The following DAO variants were observed in gnomAD, a reference collection of about 807,000 sequenced individuals.
DAO encodes D-amino-acid oxidase.
In DAO, 51 loss-of-function variants were observed where a neutral mutation model predicts 50.1. The ratio of observed to expected loss-of-function variants is 1.02; its 90% CI spans 0.81 to 1.29. The LOEUF (loss-of-function observed/expected upper bound fraction) is 1.29, where lower values mean the gene tolerates loss of function less well. Ranked by LOEUF, DAO falls within the 50% of genes most tolerant of loss-of-function variation. DAO has a pLI of 0.00. For missense variants in DAO, 436 were observed against 439.4 expected, an observed-to-expected ratio of 0.99 and a Z score of 0.07; for synonymous variants, 160 against 166.2, an observed-to-expected ratio of 0.96 and a Z score of 0.29.
chr12:108,889,024 G>A (rs1325123906), intron 3 of DAO, among the ~76,000 whole-genome samples: 1 of 152,124 alleles, frequency 6.6e-6, no homozygotes, highest in Admixed American at 6.5e-5. Context: ...ATGGCTTCTT[G>A]TGAAGATTAA....
intron 8 of DAO, among the ~76,000 whole-genome samples, chr12:108,897,862 G>A (rs1305749201): frequency 1.3e-5 from 2 of 151,776 alleles, no homozygotes; most frequent in Non-Finnish European, 2.9e-5. Flanking sequence ...TGGGAGGATT[G>A]CTTGAACCTG....
At chr12:108,899,946 T>G in intron 10 of DAO, 1 of 301,736 alleles carries the variant, frequency 3.3e-6, no homozygotes, top group Admixed American at 4.8e-5. Flanking sequence ...TTCTAAAGTC[T>G]GTGGTCAAAT....
chr12:108,883,337 G>A (rs1460797462), intron 1 of DAO, among the ~76,000 whole-genome samples: 2 of 152,186 alleles, frequency 1.3e-5, no homozygotes, highest in African/African-American at 2.4e-5. Flanking sequence ...CAGTAGAGAT[G>A]GGGTTTCACC....
intron 8 of DAO, 49 bp downstream of exon 8, chr12:108,897,137 C>T: frequency 7.5e-7 from 1 of 1,330,164 alleles, no homozygotes; most frequent in South Asian, 1.2e-5. Context: ...TTCATGCCCT[C>T]TTCATGACCC....
intron 5 of DAO, among the ~76,000 whole-genome samples, chr12:108,890,745 T>A (rs1042274041): frequency 6.6e-6 from 1 of 152,246 alleles, no homozygotes; most frequent in African/African-American, 2.4e-5. Flanking sequence ...TGCAGTGTTC[T>A]AAATTAGCAA....
At chr12:108,894,995 C>T (rs189797746) in intron 7 of DAO, among the ~76,000 whole-genome samples, 1 of 152,186 alleles carries the variant, frequency 6.6e-6, no homozygotes, top group Non-Finnish European at 1.5e-5. Context: ...GGATTACAGG[C>T]GTGAGCCACC....
chr12:108,881,631 T>C (rs1242866511), intron 1 of DAO, among the ~76,000 whole-genome samples: 13 of 136,856 alleles, frequency 9.5e-5, no homozygotes, highest in African/African-American at 3.1e-4. Flanking sequence ...TTTGACAGAG[T>C]TTCACTCTTG....
chr12:108,889,639 GT>G lies in DAO; in HGVS notation c.386+95del. 3.1e-6 allele frequency: 3 copies of G among 973,628 alleles called. No individual in the cohort carries two copies. The East Asian group carries it at 7.8e-5, about 25-fold the overall frequency. The allele number at this position is 973,628 out of a possible 1,614,324, so 60.3% of individuals were successfully genotyped here. A position where few individuals can be genotyped will look rare whatever the true frequency, so the allele number is the denominator to read the frequency against. ...AGAGGGTAGAGGCACCAGATTTCCT[GT>G]CCTACCCAGGCCCTGGTACCCTGGT... On this transcript the variant is annotated intron_variant, in intron 4 of 10. Transcript: ENST00000228476.
Position 108,893,046 on chromosome 12 carries a change from A to C in DAO, c.507+10A>C. 6.2e-7 allele frequency: 1 copy of C among 1,612,822 alleles called. No individual in the cohort carries two copies. Among genetic ancestry groups the C allele is most frequent in the African/African-American group, 1.3e-5 (1 of 75,004 alleles). On this transcript the variant is annotated intron_variant, in intron 6 of 10. Transcript: ENST00000228476. ...GGAGTCTTTTGAGGAGGTGAGTTGC[A>C]GGGCTGATGCGGTGGATGGGGCAGG...
intron 2 of DAO, among the ~76,000 whole-genome samples, chr12:108,885,452 T>C (rs1391538216): frequency 6.6e-6 from 1 of 151,858 alleles, no homozygotes; most frequent in African/African-American, 2.4e-5. Context: ...CTACCAAAAA[T>C]ACAAAAAATT....
Position 108,900,684 on chromosome 12 carries a change from G to A in DAO, c.*149G>A, listed in dbSNP as rs956981275. The A allele has an allele frequency of 3.3e-6, 4 of 1,194,952 alleles. No homozygotes were observed. The highest frequency in any genetic ancestry group is 2.7e-5 in the East Asian group (1 of 37,136). The allele number at this position is 1,194,952 out of a possible 1,614,324, so 74.0% of individuals were successfully genotyped here. On this transcript the variant is annotated 3_prime_UTR_variant, in exon 11 of 11. Coordinates refer to ENST00000228476, the MANE Select transcript of DAO (RefSeq NM_001917.5). ...AGAGAAAGCCACAAAGTCAGTGCCTGGAGAAGGGTTCAGCCCAACATGGGG... is the reference window on the plus strand; with the variant it reads ...AGAGAAAGCCACAAAGTCAGTGCCTAGAGAAGGGTTCAGCCCAACATGGGG...
Position 108,884,867 on chromosome 12 carries a change from G to A in DAO, c.-9-131G>A, listed in dbSNP as rs936619445. The A allele has an allele frequency of 4.2e-5, 35 of 838,312 alleles. No individual in the cohort carries two copies. In the Middle Eastern group the frequency reaches 6.6e-4, roughly 16 times the overall value. The allele number at this position is 838,312 out of a possible 1,614,324, so 51.9% of individuals were successfully genotyped here. ...ATATTCCTTCCTCCTAGGGGTCATC[G>A]GGAAGGTCAAATATAAAAAGGGCTT... On this transcript the variant is annotated intron_variant, in intron 1 of 10. Transcript: ENST00000228476.
chr12:108,890,083 C>T (rs1276256767), intron 4 of DAO, 125 bp from the exon 5 acceptor site: 8 of 831,082 alleles, frequency 9.6e-6, no homozygotes, highest in Non-Finnish European at 1.0e-5. Flanking sequence ...TTGAACTTCA[C>T]GTAGTGGTCC....
At chr12:108,896,419 C>CAAAAAAAAAAAAAAAAAAAAAAA (rs386377704) in intron 7 of DAO, among the ~76,000 whole-genome samples, 7 of 59,544 alleles carry the variant, frequency 1.2e-4, no homozygotes, top group African/African-American at 4.5e-4. Context: ...GAGGCTGTCT[C>CAAAAAAAAAAAAAAAAAAAAAAA]AAAAAAAAAA....
chr12:108,889,450 C>A lies in DAO; in HGVS notation c.310-19C>A. On this transcript the variant is annotated intron_variant, in intron 3 of 10. Coordinates refer to ENST00000228476, the MANE Select transcript of DAO (RefSeq NM_001917.5). The stretch of plus-strand genomic sequence containing the variant: ...TGACTTCCATCCCACCCAGTGCCCC[C>A]TTTGTCCTTCCTCTTCAGGACCCTT... The A allele has an allele frequency of 6.3e-7, 1 of 1,599,648 alleles. No homozygotes were observed. Among genetic ancestry groups the A allele is most frequent in the Non-Finnish European group, 8.6e-7 (1 of 1,168,694 alleles).
intron 7 of DAO, among the ~76,000 whole-genome samples, chr12:108,895,517 G>C (rs547418551): frequency 7.8e-5 from 10 of 128,372 alleles, no homozygotes; most frequent in African/African-American, 3.2e-4. Context: ...GATGGTGTGC[G>C]TGCATGCACA....
intron 1 of DAO, among the ~76,000 whole-genome samples, chr12:108,884,631 TGAAGCCAGAGCCCATCGCACTAACCACCG>T: frequency 6.6e-6 from 1 of 152,292 alleles, no homozygotes; most frequent in Non-Finnish European, 1.5e-5. Flanking sequence ...AGCTGAGTCC[TGAAGCCAGAGCCCATCGCACTAACCACCG>T]GCCTACCCAG....
rs35550859 is a variant in DAO, at chr12:108,887,555, A to G, written c.300A>G (p.Glu100=). 1,657 of 1,612,564 alleles carry G rather than the reference A, an allele frequency of 1.0e-3. 12 individuals are homozygous for G. The highest frequency in any genetic ancestry group is 6.6e-4 in the Non-Finnish European group (779 of 1,178,660). The change falls in exon 3 of 11, where the codon GAA becomes GAG. Residue 100 remains glutamate (E), a synonymous_variant. Coordinates refer to ENST00000228476, the MANE Select transcript of DAO (RefSeq NM_001917.5). Reference sequence around the variant, plus strand: ...TCTCGGGCTACAACCTCTTCCATGAAGCCATTCCGGTGGGTGAACAGTTCT... The same window carrying G: ...TCTCGGGCTACAACCTCTTCCATGAGGCCATTCCGGTGGGTGAACAGTTCT... ...FLISGYNLFH[E]AIPDPSWKDT...
chr12:108,900,505 A>G lies in DAO; in HGVS notation c.1014A>G (p.Lys338=), dbSNP rs752743261. 1.2e-6 allele frequency: 2 copies of G among 1,614,100 alleles called. No individual in the cohort carries two copies. Among genetic ancestry groups the G allele is most frequent in the Admixed American group, 1.7e-5 (1 of 60,018 alleles). ...TTGGGAGAATCCTGGAAGAAAAGAA[A>G]TTGTCCAGAATGCCACCATCCCACC... ...KLFGRILEEK[K]LSRMPPSHL The change falls in exon 11 of 11, where the codon AAA becomes AAG. Residue 338 remains lysine, a synonymous_variant. Transcript: ENST00000228476.
Sources: allele counts gnomAD v4.1 joint callset (sites outside exome capture counted in the v4.1 genomes callset), GRCh38; gene constraint gnomAD v4.1.1; transcripts MANE v1.5; gene names NCBI Gene and HGNC (gene_info 2026-07-23, HGNC 2026-07-21).